EPC2: variants seen among roughly 807,000 people sequenced by gnomAD.
EPC2 encodes the protein enhancer of polycomb 2.
In EPC2, 14 loss-of-function variants were observed where a neutral mutation model predicts 92.1. The observed-to-expected ratio is 0.15, with a 90% CI of 0.10 to 0.24. The LOEUF is 0.24. Among genes scored for constraint, EPC2 ranks in the 10% least tolerant of loss-of-function variants. The pLI is 1.00. For missense variants in EPC2, 755 were observed against 971.5 expected (o/e 0.78, Z 2.96); for synonymous variants, 340 against 334.7 (o/e 1.02, Z -0.17).
intron 1 of EPC2, among the ~76,000 whole-genome samples, chr2:148,686,266 A>G (rs1175575935): frequency 3.3e-5 from 5 of 152,234 alleles, no homozygotes; most frequent in East Asian, 1.9e-4. Context: ...TTGCTCATCC[A>G]TAAGAAACAA....
intron 2 of EPC2, among the ~76,000 whole-genome samples, chr2:148,700,501 A>G (rs1252255184): frequency 1.5e-4 from 1 of 6,870 alleles, no homozygotes; most frequent in East Asian, 2.7e-3. Flanking sequence ...CCCGCCCCGC[A>G]TTGAATTGCC....
At chr2:148,761,553 C>T (rs1378355549) in intron 4 of EPC2, among the ~76,000 whole-genome samples, 1 of 152,094 alleles carries the variant, frequency 6.6e-6, no homozygotes, top group Non-Finnish European at 1.5e-5. Flanking sequence ...GCCATTCTAC[C>T]TTTTCAACAG....
At chr2:148,660,573 GTTTT>G (rs946123889) in intron 1 of EPC2, among the ~76,000 whole-genome samples, 2 of 143,612 alleles carry the variant, frequency 1.4e-5, no homozygotes, top group East Asian at 4.0e-4. Context: ...ATCAGTCAGA[GTTTT>G]TTTTTTTTTA....
chr2:148,710,876 TAGGAGA>T (rs1682125855), intron 2 of EPC2, among the ~76,000 whole-genome samples: 1 of 151,946 alleles, frequency 6.6e-6, no homozygotes. Flanking sequence ...GGGATGGCAT[TAGGAGA>T]TACACTTAAT....
intron 2 of EPC2, among the ~76,000 whole-genome samples, chr2:148,742,463 A>T (rs1682896790): frequency 6.9e-6 from 1 of 145,854 alleles, no homozygotes; most frequent in Non-Finnish European, 1.5e-5. Flanking sequence ...ATTGACATTT[A>T]TTCTTGGCTG....
At chr2:148,727,192 T>C (rs1226637511) in intron 2 of EPC2, among the ~76,000 whole-genome samples, 1 of 152,220 alleles carries the variant, frequency 6.6e-6, no homozygotes, top group Non-Finnish European at 1.5e-5. Flanking sequence ...GAGACTGTCC[T>C]TTTCCCATTG....
chr2:148,663,328 C>T (rs1011768422), intron 1 of EPC2, among the ~76,000 whole-genome samples: 2 of 150,584 alleles, frequency 1.3e-5, no homozygotes, highest in South Asian at 4.2e-4. Context: ...ACGCTATTCT[C>T]CTGCCTCAGC....
intron 2 of EPC2, among the ~76,000 whole-genome samples, chr2:148,734,062 A>T (rs139594333): frequency 3.9e-4 from 60 of 152,340 alleles, no homozygotes; most frequent in African/African-American, 1.4e-3. Flanking sequence ...TTACTTAGCA[A>T]GTCCCCATGC....
chr2:148,758,536 C>T (rs545786791), intron 4 of EPC2, among the ~76,000 whole-genome samples: 17 of 152,224 alleles, frequency 1.1e-4, no homozygotes, highest in African/African-American at 3.6e-4. Flanking sequence ...GCTGGGACTA[C>T]AGGCGCTTGC....
At position 148,774,068 on chromosome 2, in the gene EPC2, A is replaced by G. The variant is rs1007174998; in HGVS notation, c.1720+2681A>G. 4.6e-5 allele frequency among the ~76,000 whole-genome samples: 7 copies of G among 152,342 alleles called. 1 individual carries two copies. The South Asian group carries it at 1.5e-3, about 32-fold the overall frequency. On this transcript the variant is annotated intron_variant, in intron 10 of 13. Transcript: ENST00000258484. ...CTAACACAGGATTATACTTTTCCCTAGCAGAGAATAACACTGAGCTAAACA... is the reference window on the plus strand; with the variant it reads ...CTAACACAGGATTATACTTTTCCCTGGCAGAGAATAACACTGAGCTAAACA...
intron 2 of EPC2, chr2:148,692,952 A>G (rs1328757702): frequency 1.3e-5 from 2 of 152,150 alleles, no homozygotes; most frequent in African/African-American, 4.8e-5. Context: ...ACTATACAGT[A>G]TCTTACTGCA....
intron 2 of EPC2, among the ~76,000 whole-genome samples, chr2:148,710,881 G>T (rs1682125974): frequency 6.6e-6 from 1 of 151,928 alleles, no homozygotes; most frequent in Non-Finnish European, 1.5e-5. Context: ...GGCATTAGGA[G>T]ATACACTTAA....
intron 1 of EPC2, among the ~76,000 whole-genome samples, chr2:148,673,737 C>T (rs1681201418): frequency 6.6e-6 from 1 of 152,112 alleles, no homozygotes; most frequent in South Asian, 2.1e-4. Context: ...GTGTGCCTCA[C>T]CATGCCTGGC....
At chr2:148,678,290 C>T (rs926272155) in intron 1 of EPC2, among the ~76,000 whole-genome samples, 4 of 152,222 alleles carry the variant, frequency 2.6e-5, no homozygotes, top group African/African-American at 9.6e-5. Context: ...GAGCTAGACA[C>T]AAAGGTTCTC....
At chr2:148,739,436 A>C (rs1682830972) in intron 2 of EPC2, among the ~76,000 whole-genome samples, 1 of 152,122 alleles carries the variant, frequency 6.6e-6, no homozygotes, top group Non-Finnish European at 1.5e-5. Context: ...CTGTATTTTC[A>C]TTCCACTAAA....
chr2:148,689,432 C>T (rs1223408659), intron 1 of EPC2, among the ~76,000 whole-genome samples: 1 of 152,096 alleles, frequency 6.6e-6, no homozygotes, highest in Non-Finnish European at 1.5e-5. Flanking sequence ...CCCATCTTGG[C>T]CTCCCAAAGT....
rs536753062 is a variant in EPC2, at chr2:148,703,231, G to A, written c.313+12858G>A. ...ATGCATCCTTAAGTTTTAATTATTA[G>A]CCATTAATCCTTACTCAGAGGAAAG... On this transcript the variant is annotated intron_variant, in intron 2 of 13. Transcript: ENST00000258484. 2.6e-4 allele frequency among the ~76,000 whole-genome samples: 39 copies of A among 152,046 alleles called. No homozygotes were observed. In the South Asian group the frequency reaches 3.3e-3, roughly 13 times the overall value.
At position 148,681,714 on chromosome 2, in the gene EPC2, G is replaced by C. The variant is rs113153449; in HGVS notation, c.154-8500G>C. 3.3e-3 allele frequency among the ~76,000 whole-genome samples: 504 copies of C among 152,046 alleles called. 3 individuals carry two copies. Among genetic ancestry groups the C allele is most frequent in the African/African-American group, 9.3e-3 (385 of 41,354 alleles). ...ACTGGTTAGGTTTGTTTGTTTGTTT[G>C]TTTCTTTCTTTCTTTTTTAATTATA... On this transcript the variant is annotated intron_variant, in intron 1 of 13. Coordinates refer to ENST00000258484, the MANE Select transcript of EPC2 (RefSeq NM_015630.4).
chr2:148,668,119 G>A (rs1176471969), intron 1 of EPC2, among the ~76,000 whole-genome samples: 7 of 152,066 alleles, frequency 4.6e-5, no homozygotes, highest in African/African-American at 1.7e-4. Context: ...GGCTGGTCTC[G>A]AACTCCTGTC....
Sources: gnomAD v4.1 joint callset for allele counts (sites outside exome capture counted in the v4.1 genomes callset) on GRCh38, gnomAD v4.1.1 for gene constraint, MANE v1.5 for transcripts, NCBI Gene and HGNC (gene_info 2026-07-23, HGNC 2026-07-21) for gene names.